Variants in FAAH2 observed in about 807,000 individuals in gnomAD.
FAAH2 encodes the protein fatty-acid amide hydrolase 2.
In FAAH2, 60 loss-of-function variants were observed where a neutral mutation model predicts 36.9. The observed-to-expected ratio is 1.63, with a 90% CI of 1.32 to 2.02. The LOEUF is 2.02. FAAH2 is among the 30% of genes most tolerant of loss of function. The pLI is 0.00. For synonymous variants in FAAH2, 214 were observed against 143.8 expected, an observed-to-expected ratio of 1.49 and a Z score of -3.49; for missense variants, 689 against 397.5, an observed-to-expected ratio of 1.73 and a Z score of -6.23.
chrX:57,399,243 T>C (rs189380649), intron 7 of FAAH2, among the ~76,000 whole-genome samples: 3 of 111,877 alleles, frequency 2.7e-5, no homozygotes, highest in African/African-American at 9.7e-5. Flanking sequence ...ATTATTTCTT[T>C]GGCACACTTC....
chrX:57,473,852 A>G (rs1360950183), intron 10 of FAAH2, among the ~76,000 whole-genome samples: 1 of 110,649 alleles, frequency 9.0e-6, no homozygotes, highest in Non-Finnish European at 1.9e-5. Flanking sequence ...TTTGTTTTTC[A>G]TTTGCATGGT....
chrX:57,166,905 C>G, the FAAH2 span, among the ~76,000 whole-genome samples: 1 of 112,022 alleles, frequency 8.9e-6, no homozygotes, highest in Non-Finnish European at 1.9e-5. Context: ...GCAGCCAATT[C>G]AGAAGCCCTA....
chrX:57,393,087 G>GC, intron 7 of FAAH2: 2 of 924,758 alleles, frequency 2.2e-6, no homozygotes, highest in Non-Finnish European at 3.1e-6. Flanking sequence ...TTCTGCCAGT[G>GC]AGTGCACTTC....
At chrX:57,183,522 G>A in the FAAH2 span, among the ~76,000 whole-genome samples, 1 of 111,733 alleles carries the variant, frequency 8.9e-6, no homozygotes, top group African/African-American at 3.2e-5. Context: ...ACCAGCTGGA[G>A]CCATGGCAGA....
At chrX:57,137,966 A>C in the FAAH2 span, among the ~76,000 whole-genome samples, 1 of 111,360 alleles carries the variant, frequency 9.0e-6, no homozygotes. Flanking sequence ...TTAATTCCAA[A>C]TACACACCTC....
chrX:57,359,047 A>G (rs1396012893), intron 5 of FAAH2, among the ~76,000 whole-genome samples: 1 of 111,272 alleles, frequency 9.0e-6, no homozygotes, highest in Admixed American at 9.5e-5. Context: ...CAATCCAATT[A>G]TACTCTTTCG....
At chrX:57,284,763 A>C (rs551582065), upstream of FAAH2, among the ~76,000 whole-genome samples, 1 of 112,165 alleles carries the variant, frequency 8.9e-6, no homozygotes, top group Middle Eastern at 4.7e-3. Context: ...GTAAAAAAAA[A>C]ACAGAAGCTT....
chrX:57,463,520 C>T (rs1718636511), intron 10 of FAAH2, among the ~76,000 whole-genome samples: 1 of 111,205 alleles, frequency 9.0e-6, no homozygotes, highest in African/African-American at 3.3e-5. Context: ...CTATAACCAT[C>T]TGATCATCGA....
chrX:57,397,965 C>T (rs941217645), intron 7 of FAAH2, among the ~76,000 whole-genome samples: 49 of 107,984 alleles, frequency 4.5e-4, no homozygotes, highest in African/African-American at 1.7e-3. Flanking sequence ...TTGGTTTTCT[C>T]TTTGCAATAG....
chrX:57,446,579 C>A (rs2147171757), intron 8 of FAAH2, among the ~76,000 whole-genome samples: 1 of 111,864 alleles, frequency 8.9e-6, no homozygotes, highest in Admixed American at 9.5e-5. Context: ...ACTCTACAAC[C>A]CACTCGCACC....
intron 4 of FAAH2, among the ~76,000 whole-genome samples, chrX:57,336,693 A>G (rs969080182): frequency 2.7e-5 from 3 of 112,076 alleles, no homozygotes; most frequent in Non-Finnish European, 5.6e-5. Context: ...GTTCTTTGAA[A>G]CTAATGAGAA....
intron 7 of FAAH2, among the ~76,000 whole-genome samples, chrX:57,390,977 G>T (rs188456577): frequency 9.0e-6 from 1 of 110,752 alleles, no homozygotes; most frequent in South Asian, 3.8e-4. Flanking sequence ...CTGCATTCTC[G>T]CCAACAACTG....
the FAAH2 span, among the ~76,000 whole-genome samples, chrX:57,157,807 AT>A: frequency 2.7e-5 from 3 of 110,771 alleles, no homozygotes; most frequent in African/African-American, 9.9e-5. Context: ...GCTCAGTTTA[AT>A]TTTTATTTTT....
At chrX:57,324,481 T>G (rs1418008736) in intron 3 of FAAH2, among the ~76,000 whole-genome samples, 5 of 111,848 alleles carry the variant, frequency 4.5e-5, no homozygotes, top group East Asian at 2.8e-4. Flanking sequence ...AGCATGGAAT[T>G]TTCTTCCATT....
At chrX:57,322,640 G>T (rs1200316589) in intron 3 of FAAH2, among the ~76,000 whole-genome samples, 2 of 110,862 alleles carry the variant, frequency 1.8e-5, no homozygotes, top group Middle Eastern at 4.6e-3. Flanking sequence ...ATGTCAATGA[G>T]TTCTAGATTC....
chrX:57,266,209 C>A, the FAAH2 span, among the ~76,000 whole-genome samples: 1 of 111,928 alleles, frequency 8.9e-6, no homozygotes, highest in Non-Finnish European at 1.9e-5. Flanking sequence ...TGTGTTCGGG[C>A]TGGCAACAGG....
chrX:57,327,994 A>T (rs867419662), intron 3 of FAAH2, among the ~76,000 whole-genome samples: 1 of 110,981 alleles, frequency 9.0e-6, no homozygotes, highest in African/African-American at 3.3e-5. Flanking sequence ...GTCTTTGATG[A>T]TGTGATGTAC....
intron 7 of FAAH2, among the ~76,000 whole-genome samples, chrX:57,392,173 A>T (rs1280731646): frequency 1.8e-5 from 2 of 111,218 alleles, no homozygotes; most frequent in Non-Finnish European, 3.8e-5. Flanking sequence ...GTATCCTGAA[A>T]CTTTACCAAA....
At chrX:57,243,972 A>C in the FAAH2 span, among the ~76,000 whole-genome samples, 1 of 109,212 alleles carries the variant, frequency 9.2e-6, no homozygotes, top group African/African-American at 3.3e-5. Flanking sequence ...GCATGTTCTA[A>C]CCCAATGCAA....
Sources: gnomAD v4.1 joint callset for allele counts (sites outside exome capture counted in the v4.1 genomes callset) on GRCh38, gnomAD v4.1.1 for gene constraint, MANE v1.5 for transcripts, NCBI Gene and HGNC (gene_info 2026-07-23, HGNC 2026-07-21) for gene names.